Variants in GARNL3 observed in about 807,000 individuals in gnomAD.
GARNL3 encodes the protein GTPase activating Rap/RanGAP domain like 3.
GARNL3 carries 63 observed loss-of-function variants against 125.0 expected under a neutral mutation model. That is an observed-to-expected ratio of 0.50 (90% confidence interval 0.41 to 0.62). The LOEUF is 0.62. Among genes scored for constraint, GARNL3 ranks in the 20% least tolerant of loss-of-function variants. The pLI is 0.00. For synonymous variants in GARNL3, 439 were observed against 457.5 expected, an observed-to-expected ratio of 0.96 and a Z score of 0.52; for missense variants, 994 against 1,244.0, an observed-to-expected ratio of 0.80 and a Z score of 3.02.
chr9:127,305,528 A>G (rs2064928665), intron 2 of GARNL3, among the ~76,000 whole-genome samples: 2 of 152,090 alleles, frequency 1.3e-5, no homozygotes, highest in Admixed American at 1.3e-4. Context: ...TATTCAGTGA[A>G]GAGGAAAGTG....
At chr9:127,234,431 C>G (rs1207977817) in intron 1 of GARNL3, among the ~76,000 whole-genome samples, 1 of 152,016 alleles carries the variant, frequency 6.6e-6, no homozygotes, top group African/African-American at 2.4e-5. Context: ...GCTGGTTTTC[C>G]TGGGAGGAGA....
At chr9:127,372,623 CA>C (rs1831671626) in intron 22 of GARNL3, among the ~76,000 whole-genome samples, 1 of 152,176 alleles carries the variant, frequency 6.6e-6, no homozygotes, top group Non-Finnish European at 1.5e-5. Context: ...AATGTTGAGA[CA>C]CACTAAGGAA....
At chr9:127,321,286 C>T (rs1187625373) in intron 6 of GARNL3, among the ~76,000 whole-genome samples, 2 of 152,084 alleles carry the variant, frequency 1.3e-5, no homozygotes, top group African/African-American at 2.4e-5. Flanking sequence ...TACCTGCCAC[C>T]GTGCCCAGCT....
chr9:127,234,733 A>G (rs981579699), intron 1 of GARNL3, among the ~76,000 whole-genome samples: 3 of 152,254 alleles, frequency 2.0e-5, no homozygotes, highest in Admixed American at 2.0e-4. Flanking sequence ...TCCAAGATCC[A>G]GGTACCAGCA....
chr9:127,303,470 T>C (rs535980560), intron 2 of GARNL3, among the ~76,000 whole-genome samples: 1 of 152,354 alleles, frequency 6.6e-6, no homozygotes, highest in African/African-American at 2.4e-5. Flanking sequence ...AAAAAGATTT[T>C]AACCTTTGTG....
intron 22 of GARNL3, among the ~76,000 whole-genome samples, chr9:127,376,955 A>G (rs1220094449): frequency 6.6e-6 from 1 of 152,258 alleles, no homozygotes; most frequent in African/African-American, 2.4e-5. Flanking sequence ...GGAAGACTTC[A>G]TCTTGCAAAG....
rs143778065 is a variant in GARNL3 at position 127,377,344 on chromosome 9, T to A, written c.2162-6094T>A. ...ACGTTAGGACAATTGGACAAACTTT[T>A]GGAAAAAGTAAATGTATGCCTCTGT... On this transcript the variant is annotated intron_variant, in intron 22 of 27. Coordinates refer to ENST00000373387, the MANE Select transcript of GARNL3 (RefSeq NM_032293.5). Among the ~76,000 whole-genome samples, 3 of 152,328 alleles carry A rather than the reference T, an allele frequency of 2.0e-5. No individual in the cohort carries two copies. In the East Asian group the frequency reaches 5.8e-4, roughly 29 times the overall value.
chr9:127,373,646 G>A (rs754239831), intron 22 of GARNL3, among the ~76,000 whole-genome samples: 4 of 152,172 alleles, frequency 2.6e-5, no homozygotes, highest in Non-Finnish European at 5.9e-5. Context: ...AGGTCTTTCA[G>A]GTTGCAGAGA....
chr9:127,265,292 A>C (rs1265315920), intron 1 of GARNL3, among the ~76,000 whole-genome samples: 1 of 152,258 alleles, frequency 6.6e-6, no homozygotes, highest in Non-Finnish European at 1.5e-5. Flanking sequence ...TAATTAAATA[A>C]AACAATTTAT....
At chr9:127,296,263 G>T (rs1463523188) in intron 2 of GARNL3, among the ~76,000 whole-genome samples, 1 of 152,020 alleles carries the variant, frequency 6.6e-6, no homozygotes, top group East Asian at 1.9e-4. Context: ...ACCAGGGGTT[G>T]GTCTGTTATA....
intron 1 of GARNL3, among the ~76,000 whole-genome samples, chr9:127,231,224 T>TA (rs1373945559): frequency 5.0e-5 from 4 of 79,268 alleles, no homozygotes; most frequent in African/African-American, 2.0e-4. Flanking sequence ...CCAGCTAATT[T>TA]TTTGTTTTTT....
upstream of GARNL3, among the ~76,000 whole-genome samples, chr9:127,260,034 T>A (rs960381132): frequency 6.6e-6 from 1 of 152,202 alleles, no homozygotes; most frequent in East Asian, 1.9e-4. Flanking sequence ...GCTTAGAACC[T>A]TGTCTGCTTT....
intron 2 of GARNL3, among the ~76,000 whole-genome samples, chr9:127,248,302 A>G (rs2063337672): frequency 6.6e-6 from 1 of 152,114 alleles, no homozygotes; most frequent in Non-Finnish European, 1.5e-5. Context: ...GAGCTTGTGT[A>G]TTACTTCGCC....
chr9:127,391,533 A>AAAAAAAAAAAAAAAAAAATATATAT, intron 27 of GARNL3, among the ~76,000 whole-genome samples: 5 of 75,872 alleles, frequency 6.6e-5, no homozygotes, highest in South Asian at 7.0e-4. Flanking sequence ...ACAAAAAAAA[A>AAAAAAAAAAAAAAAAAAATATATAT]ATATATATAT....
At chr9:127,270,712 A>G (rs2063804426) in intron 1 of GARNL3, among the ~76,000 whole-genome samples, 1 of 152,248 alleles carries the variant, frequency 6.6e-6, no homozygotes, top group African/African-American at 2.4e-5. Flanking sequence ...ATCACAATCT[A>G]TATTCATTTC....
In GARNL3 at chr9:127,393,209, C is replaced by G. The variant is rs1254201343; in HGVS notation, c.2997C>G (p.Phe999Leu). The G allele has an allele frequency of 1.2e-6, 2 of 1,613,646 alleles. No homozygotes were observed. The highest frequency in any genetic ancestry group is 1.7e-6 in the Non-Finnish European group (2 of 1,179,536). The change falls in exon 28 of 28, where the codon TTC (phenylalanine) becomes TTG (leucine). Residue 999 changes from phenylalanine (F) to leucine (L), a missense_variant. Phe to Leu is a conservative substitution (Grantham distance 22). Around this residue, in one of 5 missense-constraint regions of GARNL3, gnomAD observed 728 missense variants for 865.7 expected, o/e 0.84. Transcript: ENST00000373387. ...EGSPVSGSSP[F>L]QLTAFSDEDI... The stretch of plus-strand genomic sequence containing the variant: ...GCCCGGTCTCCGGCAGCAGCCCCTT[C>G]CAGCTCACGGCTTTCTCCGATGAAG...
chr9:127,258,268 G>T (rs1221161336), intron 2 of GARNL3, among the ~76,000 whole-genome samples: 1 of 152,026 alleles, frequency 6.6e-6, no homozygotes, highest in East Asian at 1.9e-4. Context: ...CTTTTGTTTT[G>T]GAAATCTTTC....
chr9:127,292,736 A>G (rs1028690598), intron 2 of GARNL3, among the ~76,000 whole-genome samples: 1 of 152,172 alleles, frequency 6.6e-6, no homozygotes, highest in Non-Finnish European at 1.5e-5. Flanking sequence ...GCAGTCAAAC[A>G]CTGCTCACCT....
intron 6 of GARNL3, 107 bp downstream of exon 6, chr9:127,320,885 C>G: frequency 1.4e-6 from 1 of 719,222 alleles, no homozygotes; most frequent in East Asian, 2.7e-5. Flanking sequence ...GCCAAATCAC[C>G]TATGCAACTT....
Sources: allele counts gnomAD v4.1 joint callset (sites outside exome capture counted in the v4.1 genomes callset), GRCh38; gene constraint gnomAD v4.1.1; regional missense constraint gnomAD v4.1.1; transcripts MANE v1.5; gene names NCBI Gene and HGNC (gene_info 2026-07-23, HGNC 2026-07-21).